Variants in PLPP1 observed in about 807,000 individuals in gnomAD.
The protein encoded by PLPP1 is phospholipid phosphatase 1.
In PLPP1, 24 loss-of-function variants were observed where a neutral mutation model predicts 31.2. The observed-to-expected ratio is 0.77, with a 90% CI of 0.56 to 1.08. PLPP1 has a LOEUF of 1.08. PLPP1 is among the 50% of genes least tolerant of loss of function. The probability of loss-of-function intolerance (pLI) is 0.00; values close to 1 mark genes in which losing one functional copy is unlikely to be tolerated. For synonymous variants in PLPP1, 146 were observed against 126.3 expected (o/e 1.16, Z -1.05); for missense variants, 319 against 342.7 (o/e 0.93, Z 0.55).
chr5:55,494,568 T>A (rs1312038916), intron 1 of PLPP1, among the ~76,000 whole-genome samples: 1 of 152,152 alleles, frequency 6.6e-6, no homozygotes, highest in Non-Finnish European at 1.5e-5. Flanking sequence ...CTGAACCACT[T>A]GCTGTTGCCG....
chr5:55,496,840 T>C (rs1252290691), intron 1 of PLPP1, among the ~76,000 whole-genome samples: 1 of 152,226 alleles, frequency 6.6e-6, no homozygotes. Context: ...TCTTCCATTT[T>C]ATTAAATATA....
At chr5:55,446,805 C>G (rs148784433) in intron 3 of PLPP1, among the ~76,000 whole-genome samples, 145 of 152,294 alleles carry the variant, frequency 9.5e-4, no homozygotes, top group Middle Eastern at 3.4e-3. Context: ...TAATAGCTCC[C>G]ACGGGGAGGA....
At chr5:55,507,686 T>A (rs981769779) in intron 1 of PLPP1, among the ~76,000 whole-genome samples, 4 of 152,164 alleles carry the variant, frequency 2.6e-5, no homozygotes, top group African/African-American at 9.7e-5. Context: ...GGTTGCAGAA[T>A]TGAGATTCAA....
chr5:55,454,239 A>T (rs1751956589), intron 3 of PLPP1, among the ~76,000 whole-genome samples: 3 of 152,336 alleles, frequency 2.0e-5, no homozygotes, highest in Admixed American at 2.0e-4. Context: ...CATAATATAA[A>T]CATAAAAGTT....
chr5:55,492,933 G>T (rs983242537), intron 1 of PLPP1, among the ~76,000 whole-genome samples: 3 of 152,148 alleles, frequency 2.0e-5, no homozygotes, highest in African/African-American at 7.2e-5. Flanking sequence ...ATCTGGCTAG[G>T]TTAACAGGTT....
At chr5:55,466,630 G>A (rs1752301501) in intron 3 of PLPP1, among the ~76,000 whole-genome samples, 2 of 151,954 alleles carry the variant, frequency 1.3e-5, no homozygotes, top group Admixed American at 1.3e-4. Flanking sequence ...TTGAACCCGG[G>A]AGGCAGAGGC....
Position 55,425,843 on chromosome 5 carries a change from C to A in PLPP1, c.726+20G>T. 1 of 1,554,154 alleles carries A rather than the reference C, an allele frequency of 6.4e-7. No individual in the cohort carries two copies. The highest frequency in any genetic ancestry group is 1.2e-5 in the South Asian group (1 of 80,592). Reference sequence around the variant, plus strand: ...ATGTTTAGCAATATCAAGATGTAGGCTGTTGACCTGTATACTTACAACTAA... The same window carrying A: ...ATGTTTAGCAATATCAAGATGTAGGATGTTGACCTGTATACTTACAACTAA... On this transcript the variant is annotated intron_variant, in intron 5 of 5. Transcript: ENST00000307259.
chr5:55,425,135 A>G lies in PLPP1; in HGVS notation c.*71T>C, dbSNP rs1751138384. On this transcript the variant is annotated 3_prime_UTR_variant, in exon 6 of 6. Coordinates refer to ENST00000307259, the MANE Select transcript of PLPP1 (RefSeq NM_003711.4). The stretch of plus-strand genomic sequence containing the variant: ...GCTTGTACACCAGGAAGAAAGATGC[A>G]TCCTCTTGCCTTGTGGCAATCATTT... 2 of 1,528,810 alleles carry G rather than the reference A, an allele frequency of 1.3e-6. No individual in the cohort carries two copies. Among genetic ancestry groups the G allele is most frequent in the African/African-American group, 1.4e-5 (1 of 71,618 alleles). 94.7% of individuals were successfully genotyped at this position (1,528,810 alleles called of 1,614,324 possible).
At chr5:55,533,892 G>A (rs2111970677) in intron 1 of PLPP1, among the ~76,000 whole-genome samples, 1 of 152,106 alleles carries the variant, frequency 6.6e-6, no homozygotes, top group East Asian at 1.9e-4. Flanking sequence ...TGCGAAATCT[G>A]CTGCAGCCAA....
chr5:55,473,957 C>A (rs981842244), intron 2 of PLPP1, among the ~76,000 whole-genome samples: 48 of 150,120 alleles, frequency 3.2e-4, no homozygotes, highest in South Asian at 8.5e-4. Context: ...GCGTGAGCCA[C>A]CACATCCACC....
Position 55,534,821 on chromosome 5 carries a change from G to GC in PLPP1, c.-193dup. On this transcript the variant is annotated 5_prime_UTR_variant, in exon 1 of 6. Transcript: ENST00000307259. ...CCCACCGCCAGCAATGGCGCCCGGGGCCCTCCCCTCACAGCCCCCGCGAAC... is the reference window on the plus strand; with the variant it reads ...CCCACCGCCAGCAATGGCGCCCGGGGCCCCTCCCCTCACAGCCCCCGCGAAC... The GC allele has an allele frequency of 1.8e-6, 1 of 562,006 alleles. No individual in the cohort carries two copies. The highest frequency in any genetic ancestry group is 2.3e-5 in the South Asian group (1 of 43,336). The allele number at this position is 562,006 out of a possible 1,614,324, so 34.8% of individuals were successfully genotyped here. A position where few individuals can be genotyped will look rare whatever the true frequency, so the allele number is the denominator to read the frequency against.
At chr5:55,518,688 A>G (rs1409179931) in intron 1 of PLPP1, among the ~76,000 whole-genome samples, 1 of 152,178 alleles carries the variant, frequency 6.6e-6, no homozygotes, top group Non-Finnish European at 1.5e-5. Flanking sequence ...TTGATCTCCC[A>G]CAAGTCCACT....
At chr5:55,432,367 A>G (rs188576074) in intron 4 of PLPP1, among the ~76,000 whole-genome samples, 1 of 152,204 alleles carries the variant, frequency 6.6e-6, no homozygotes, top group Admixed American at 6.5e-5. Flanking sequence ...ACAGACCAAT[A>G]ATGAGTAATG....
intron 1 of PLPP1, among the ~76,000 whole-genome samples, chr5:55,502,574 C>T (rs1005494873): frequency 2.5e-4 from 38 of 151,896 alleles, no homozygotes; most frequent in Admixed American, 2.0e-4. Flanking sequence ...TGATATATGG[C>T]TAGTGTGACT....
intron 1 of PLPP1, among the ~76,000 whole-genome samples, chr5:55,507,593 A>G (rs1753308729): frequency 6.6e-6 from 1 of 152,250 alleles, no homozygotes; most frequent in Non-Finnish European, 1.5e-5. Context: ...TAGGTGTTAC[A>G]GCTTTCCAAT....
intron 1 of PLPP1, among the ~76,000 whole-genome samples, chr5:55,498,892 T>C (rs534205815): frequency 2.4e-4 from 37 of 152,334 alleles, no homozygotes; most frequent in African/African-American, 8.9e-4. Context: ...TACTGGAATC[T>C]TGAAGGCAAT....
At position 55,442,874 on chromosome 5, in the gene PLPP1, T is replaced by A. The variant is rs139686716; in HGVS notation, c.492-966A>T. ...AGATCTAAGATTTGCTTATACAGAA[T>A]GAGCCACTGATGCAGAAGAGGCAAG... On this transcript the variant is annotated intron_variant, in intron 3 of 5. Transcript: ENST00000307259. Among the ~76,000 whole-genome samples the A allele has an allele frequency of 4.6e-5, 7 of 152,038 alleles. No individual in the cohort carries two copies. The East Asian group carries it at 1.4e-3, about 29-fold the overall frequency.
At chr5:55,451,549 G>C (rs1026632750) in intron 3 of PLPP1, among the ~76,000 whole-genome samples, 2 of 150,900 alleles carry the variant, frequency 1.3e-5, no homozygotes, top group Non-Finnish European at 2.9e-5. Context: ...AATTCACTTA[G>C]AGAAACCTTT....
At chr5:55,428,798 C>A (rs1043404339) in intron 4 of PLPP1, among the ~76,000 whole-genome samples, 1 of 152,176 alleles carries the variant, frequency 6.6e-6, no homozygotes, top group African/African-American at 2.4e-5. Flanking sequence ...ATGCCATTTG[C>A]CAACCTTATC....
Sources: gnomAD v4.1 joint callset for allele counts (sites outside exome capture counted in the v4.1 genomes callset) on GRCh38, gnomAD v4.1.1 for gene constraint, MANE v1.5 for transcripts, NCBI Gene and HGNC (gene_info 2026-07-23, HGNC 2026-07-21) for gene names.